The following EARS2 variants were observed in gnomAD, a reference collection of about 807,000 sequenced individuals.
EARS2 encodes glutamyl-tRNA synthetase 2, mitochondrial.
EARS2 carries 50 observed loss-of-function variants against 54.1 expected under a neutral mutation model. That is an observed-to-expected ratio of 0.92 (90% CI 0.74 to 1.17). The LOEUF is 1.17. Ranked by LOEUF, EARS2 falls within the 50% of genes most tolerant of loss-of-function variation. EARS2 has a pLI of 0.00. For missense variants in EARS2, 673 were observed against 675.0 expected, an observed-to-expected ratio of 1.00 and a Z score of 0.03; for synonymous variants, 298 against 281.0, an observed-to-expected ratio of 1.06 and a Z score of -0.61.
intron 7 of EARS2, among the ~76,000 whole-genome samples, chr16:23,527,714 C>T (rs963741258): frequency 2.0e-5 from 3 of 152,014 alleles, no homozygotes; most frequent in Non-Finnish European, 4.4e-5. Context: ...CCACCACACC[C>T]GGCTAAATTT....
rs937856191 is a variant in EARS2 at position 23,534,998 on chromosome 16, C to A, written c.848G>T (p.Ser283Ile). Reference sequence around the variant, plus strand: ...GTCCCCTTGCCTCTTGGAGAGCTTGCTGCCATCCCTGTTGAGGAGCAGGGG... The same window carrying A: ...GTCCCCTTGCCTCTTGGAGAGCTTGATGCCATCCCTGTTGAGGAGCAGGGG... The part of the protein sequence containing the change: ...HLPLLLNRDG[S>I]KLSKRQGDVF... The change falls in exon 4 of 9, where the codon AGC becomes ATC. Residue 283 changes from serine to isoleucine, a missense_variant. Physicochemically the swap from Ser to Ile is moderately radical, Grantham distance 142. This residue lies in a region of EARS2 where 338 missense variants were observed against 361.2 expected (regional missense o/e 0.94). Coordinates refer to ENST00000449606, the MANE Select transcript of EARS2 (RefSeq NM_001083614.2). The A allele has an allele frequency of 6.2e-7, 1 of 1,612,666 alleles. No individual in the cohort carries two copies. Among genetic ancestry groups the A allele is most frequent in the African/African-American group, 1.3e-5 (1 of 74,912 alleles).
At position 23,522,982 on chromosome 16, in the gene EARS2, G is replaced by C. The variant is rs1052021447; in HGVS notation, c.*1389C>G. 1 of 152,216 alleles carries C rather than the reference G, an allele frequency of 6.6e-6. No individual in the cohort carries two copies. Among genetic ancestry groups the C allele is most frequent in the African/African-American group, 2.4e-5 (1 of 41,458 alleles). 9.4% of individuals were successfully genotyped at this position (152,216 alleles called of 1,614,324 possible). A position where few individuals can be genotyped will look rare whatever the true frequency, so the allele number is the denominator to read the frequency against. ...GGCTGCTTGAGTATTTTCATGACCTGGAAGCTGGCTTCCCCCAAAGTAAGC... is the reference window on the plus strand; with the variant it reads ...GGCTGCTTGAGTATTTTCATGACCTCGAAGCTGGCTTCCCCCAAAGTAAGC... On this transcript the variant is annotated 3_prime_UTR_variant, in exon 9 of 9. Transcript: ENST00000449606.
chr16:23,524,901 TC>T, intron 8 of EARS2: 1 of 487,464 alleles, frequency 2.1e-6, no homozygotes, highest in Non-Finnish European at 3.6e-6. Context: ...TGCCTAGGCC[TC>T]CCAAAGTGCT....
intron 3 of EARS2, among the ~76,000 whole-genome samples, chr16:23,541,470 G>A (rs1179010164): frequency 1.3e-5 from 2 of 152,182 alleles, no homozygotes; most frequent in Non-Finnish European, 2.9e-5. Context: ...TCCTCAAGAT[G>A]GTAAGCGGAC....
rs986003131 is a variant in EARS2 at position 23,525,193 on chromosome 16, A to G, written c.1488+51T>C. 5 of 1,613,826 alleles carry G rather than the reference A, an allele frequency of 3.1e-6. No homozygotes were observed. The African/African-American group carries it at 6.7e-5, about 22-fold the overall frequency. ...TGCCTGCCAGGAAATGTAAGTTCAA[A>G]GGATCAATGAGGGGCTCCAGGGAAC... is the stretch of plus-strand genomic sequence containing the variant. On this transcript the variant is annotated intron_variant, in intron 8 of 8. Coordinates refer to ENST00000449606, the MANE Select transcript of EARS2 (RefSeq NM_001083614.2).
intron 7 of EARS2, among the ~76,000 whole-genome samples, chr16:23,526,472 G>A (rs1048232584): frequency 5.3e-5 from 8 of 152,146 alleles, no homozygotes; most frequent in African/African-American, 1.2e-4. Context: ...AATTAGTTAA[G>A]TACAATCAAG....
intron 4 of EARS2, among the ~76,000 whole-genome samples, chr16:23,534,155 C>T (rs1965373838): frequency 6.6e-6 from 1 of 152,116 alleles, no homozygotes; most frequent in South Asian, 2.1e-4. Context: ...CAGGCATAGG[C>T]CTAAAGCGCT....
Position 23,524,345 on chromosome 16 carries a change from TC to T in EARS2, c.*25del. 1 of 1,599,980 alleles carries T rather than the reference TC, an allele frequency of 6.3e-7. No homozygotes were observed. The highest frequency in any genetic ancestry group is 8.6e-7 in the Non-Finnish European group (1 of 1,167,130). ...CTAAGCTCACAGGTTCTTAGGGCGA[TC>T]TCCACTGCCCGAAACATCCTCTCCC... On this transcript the variant is annotated 3_prime_UTR_variant, in exon 9 of 9. Coordinates refer to ENST00000449606, the MANE Select transcript of EARS2 (RefSeq NM_001083614.2).
intron 2 of EARS2, among the ~76,000 whole-genome samples, chr16:23,551,845 G>T (rs1050558681): frequency 6.6e-6 from 1 of 152,154 alleles, no homozygotes; most frequent in Non-Finnish European, 1.5e-5. Context: ...GCGTGAACCC[G>T]GAAGGCGGAG....
intron 3 of EARS2, among the ~76,000 whole-genome samples, chr16:23,535,836 G>C (rs961341703): frequency 2.0e-5 from 3 of 152,202 alleles, no homozygotes; most frequent in African/African-American, 7.2e-5. Context: ...ATTTCCCACT[G>C]CCCCACTTCT....
At chr16:23,543,485 C>T (rs1056219053) in intron 3 of EARS2, among the ~76,000 whole-genome samples, 3 of 151,200 alleles carry the variant, frequency 2.0e-5, no homozygotes, top group Non-Finnish European at 4.4e-5. Flanking sequence ...CGGTGGTTTA[C>T]GCCTATAATC....
At chr16:23,547,376 AAG>A (rs1297701609) in intron 2 of EARS2, among the ~76,000 whole-genome samples, 2 of 152,296 alleles carry the variant, frequency 1.3e-5, no homozygotes, top group East Asian at 3.9e-4. Flanking sequence ...GCTAATAAGG[AAG>A]AGTTTCTTTT....
At chr16:23,550,351 A>G (rs1965673130) in intron 2 of EARS2, among the ~76,000 whole-genome samples, 1 of 150,858 alleles carries the variant, frequency 6.6e-6, no homozygotes, top group East Asian at 2.0e-4. Flanking sequence ...TGGGCAACAG[A>G]GCAAGATTTT....
intron 7 of EARS2, 100 bp from the exon 8 acceptor site, chr16:23,525,479 G>T: frequency 2.3e-6 from 3 of 1,304,278 alleles, no homozygotes; most frequent in Non-Finnish European, 3.2e-6. Flanking sequence ...AGTACGAGCA[G>T]CACAACCAAT....
At chr16:23,546,740 A>G (rs747608573) in intron 2 of EARS2, among the ~76,000 whole-genome samples, 21 of 152,090 alleles carry the variant, frequency 1.4e-4, no homozygotes, top group Non-Finnish European at 2.5e-4. Flanking sequence ...TAAGTTTTCT[A>G]TAGAGACAAG....
chr16:23,536,564 A>T (rs2142173678), intron 3 of EARS2, among the ~76,000 whole-genome samples: 1 of 152,254 alleles, frequency 6.6e-6, no homozygotes, highest in Non-Finnish European at 1.5e-5. Flanking sequence ...TGGGAGGCCA[A>T]GGTGGAAGAA....
In EARS2 at chr16:23,524,378, G is replaced by A; in HGVS notation, c.1565C>T (p.Ser522Phe). 6.2e-7 allele frequency: 1 copy of A among 1,614,062 alleles called. No homozygotes were observed. Among genetic ancestry groups the A allele is most frequent in the Non-Finnish European group, 8.5e-7 (1 of 1,179,946 alleles). ...EVRERIQKVV[S>F]S ...GCCCGAAACATCCTCTCCCTAGCTG[G>A]AAACCACCTTCTGGATCCGTTCCCG... Residue 522 changes from serine (S) to phenylalanine (F), a missense_variant, in exon 9 of 9, where the codon TCC (serine) becomes TTC (phenylalanine). Transcript: ENST00000449606.
In EARS2 at chr16:23,557,230, T is replaced by G. The variant is rs748465868; in HGVS notation, c.114A>C (p.Arg38=). The part of the protein sequence containing the change: ...NLGTDAGVAV[R]VRFAPSPTGF... The stretch of plus-strand genomic sequence containing the variant: ...CTGTGGGGCTGGGAGCGAACCGCAC[T>G]CGCACCGCAACCCCGGCATCAGTGC... The change falls in exon 1 of 9, where the codon CGA becomes CGC. Residue 38 remains arginine, a synonymous_variant. Transcript: ENST00000449606. The G allele has an allele frequency of 6.6e-7, 1 of 1,518,070 alleles. No homozygotes were observed. The highest frequency in any genetic ancestry group is 1.3e-5 in the South Asian group (1 of 78,624). 94.0% of individuals were successfully genotyped at this position (1,518,070 alleles called of 1,614,324 possible). A position where few individuals can be genotyped will look rare whatever the true frequency, so the allele number is the denominator to read the frequency against.
chr16:23,545,435 C>CA (rs1965587764), intron 2 of EARS2, among the ~76,000 whole-genome samples: 1 of 152,158 alleles, frequency 6.6e-6, no homozygotes, highest in Non-Finnish European at 1.5e-5. Flanking sequence ...GAGGTGCTAC[C>CA]AACGTGTGAG....
Sources: allele counts gnomAD v4.1 joint callset (sites outside exome capture counted in the v4.1 genomes callset), GRCh38; gene constraint gnomAD v4.1.1; regional missense constraint gnomAD v4.1.1; transcripts MANE v1.5; gene names NCBI Gene and HGNC (gene_info 2026-07-23, HGNC 2026-07-21).